Variants in RIN1 observed in about 807,000 individuals in gnomAD.
The protein encoded by RIN1 is ras inhibitor 1.
RIN1 carries 52 observed loss-of-function variants against 64.9 expected under a neutral mutation model. The ratio of observed to expected loss-of-function variants is 0.80; its 90% CI spans 0.64 to 1.01. RIN1 has a LOEUF of 1.01. Ranked by LOEUF, RIN1 falls within the 50% of genes least tolerant of loss-of-function variation. The probability of loss-of-function intolerance (pLI) is 0.00; values close to 1 mark genes in which losing one functional copy is unlikely to be tolerated. For synonymous variants in RIN1, 486 were observed against 483.6 expected (o/e 1.00, Z -0.06); for missense variants, 1,040 against 1,064.5 (o/e 0.98, Z 0.32).
chr11:66,335,704 G>A, intron 3 of RIN1, 22 bp from the exon 4 acceptor site: 1 of 1,612,638 alleles, frequency 6.2e-7, no homozygotes, highest in Non-Finnish European at 8.5e-7. Flanking sequence ...GGGAAGTGAG[G>A]TGCTTCTCTG....
At chr11:66,335,339 C>T in intron 5 of RIN1, 68 bp downstream of exon 5, 7 of 1,557,462 alleles carry the variant, frequency 4.5e-6, no homozygotes, top group Non-Finnish European at 6.1e-6. Context: ...GGGCGGTGTG[C>T]TGCGAGCCTT....
At chr11:66,335,280 C>G (rs368870362) in intron 5 of RIN1, 29 bp from the exon 6 acceptor site, 2 of 1,563,430 alleles carry the variant, frequency 1.3e-6, no homozygotes, top group Non-Finnish European at 1.7e-6. Context: ...ACTGGGGCCT[C>G]CGGGACTGGT....
At position 66,336,353 on chromosome 11, in the gene RIN1, G is replaced by A. The variant is rs751627916; in HGVS notation, c.50C>T (p.Pro17Leu). The change falls in exon 1 of 10, where the codon CCG becomes CTG. Residue 17 changes from proline (P) to leucine (L), a missense_variant. Transcript: ENST00000311320. ...SGAGSPGAPS[P>L]SSFTTGHLAR... ...CAGGTGCCCAGTAGTGAAGCTGGAC[G>A]GGCTGGGGGCTCCAGGAGAGCCCGC... 2.2e-5 allele frequency: 35 copies of A among 1,613,570 alleles called. No homozygotes were observed. Among genetic ancestry groups the A allele is most frequent in the Admixed American group, 1.7e-4 (10 of 59,970 alleles).
In RIN1 at chr11:66,335,985, G is replaced by T; in HGVS notation, c.260C>A (p.Pro87His). 6.8e-7 allele frequency: 1 copy of T among 1,476,328 alleles called. No individual in the cohort carries two copies. The allele number at this position is 1,476,328 out of a possible 1,614,324, so 91.5% of individuals were successfully genotyped here. A position where few individuals can be genotyped will look rare whatever the true frequency, so the allele number is the denominator to read the frequency against. Residue 87 changes from proline (P) to histidine (H), a missense_variant, in exon 2 of 10, where the codon CCC becomes CAC. Transcript: ENST00000311320. ...AAALHMLRTEPPGTFLVRKSN... is the reference protein window; with the variant it reads ...AAALHMLRTEHPGTFLVRKSN... ...GTGTGGGGCAAGACTCACCCCCGGG[G>T]GCTCGGTCCTCAGCATGTGCAGTGC...
In RIN1 at chr11:66,334,982, C is replaced by T. The variant is rs1341227740; in HGVS notation, c.817G>A (p.Ala273Thr). 7.7e-6 allele frequency: 12 copies of T among 1,558,784 alleles called. No individual in the cohort carries two copies. The highest frequency in any genetic ancestry group is 9.5e-6 in the Non-Finnish European group (11 of 1,153,620). The change falls in exon 6 of 10, where the codon GCA (alanine) becomes ACA (threonine). Residue 273 changes from alanine (A) to threonine (T), a missense_variant. By Grantham distance (58) the Ala-to-Thr change is moderately conservative. Coordinates refer to ENST00000311320, the MANE Select transcript of RIN1 (RefSeq NM_004292.3). ...PPPPVPVLPG[A>T]VPSQTERLPP... ...AGCCGCTCTGTCTGGCTGGGGACTGCCCCTGGCAGCACGGGGACGGGGGGA... is the reference window on the plus strand; with the variant it reads ...AGCCGCTCTGTCTGGCTGGGGACTGTCCCTGGCAGCACGGGGACGGGGGGA...
rs759726696 is a variant in RIN1 at position 66,335,730 on chromosome 11, TCCAGCCCCTTCCCGCCAGG to T, written c.382+13_382+31del. On this transcript the variant is annotated intron_variant, in intron 3 of 9. Coordinates refer to ENST00000311320, the MANE Select transcript of RIN1 (RefSeq NM_004292.3). ...TGCTTCTCTGGGGAACCTCCCTGCT[TCCAGCCCCTTCCCGCCAGG>T]CCAGCCCCTCACCGCCAGGGCTCTC... is the stretch of plus-strand genomic sequence containing the variant. 6.2e-7 allele frequency: 1 copy of T among 1,611,854 alleles called. No homozygotes were observed. The highest frequency in any genetic ancestry group is 8.5e-7 in the Non-Finnish European group (1 of 1,179,056).
chr11:66,332,246 G>A lies in RIN1; in HGVS notation c.*30C>T, dbSNP rs766977938. On this transcript the variant is annotated 3_prime_UTR_variant, in exon 10 of 10. Coordinates refer to ENST00000311320, the MANE Select transcript of RIN1 (RefSeq NM_004292.3). The stretch of plus-strand genomic sequence containing the variant: ...TTTCTCAGCAGGCTCAGGGTCTCCC[G>A]CCCCGAATGACCCTTCTGGCCACTT... The A allele has an allele frequency of 1.7e-5, 28 of 1,600,548 alleles. No homozygotes were observed. The highest frequency in any genetic ancestry group is 6.7e-5 in the Admixed American group (4 of 59,978).
chr11:66,331,856 T>G lies in RIN1; in HGVS notation c.*420A>C, dbSNP rs1044062608. ...ACACCTAAGAGCCATTGGAACCTTT[T>G]AGGGTCTGGAAGTCCCAGCCTGGTG... On this transcript the variant is annotated 3_prime_UTR_variant, in exon 10 of 10. Coordinates refer to ENST00000311320, the MANE Select transcript of RIN1 (RefSeq NM_004292.3). 23 of 229,000 alleles carry G rather than the reference T, an allele frequency of 1.0e-4. No homozygotes were observed. Among genetic ancestry groups the G allele is most frequent in the African/African-American group, 5.3e-4 (23 of 43,548 alleles). The allele number at this position is 229,000 out of a possible 1,614,324, so 14.2% of individuals were successfully genotyped here.
rs1228249984 is a variant in RIN1, at chr11:66,334,252, G to C, written c.1286-28C>G. 11 of 1,416,824 alleles carry C rather than the reference G, an allele frequency of 7.8e-6. No individual in the cohort carries two copies. The South Asian group carries it at 1.6e-4, about 21-fold the overall frequency. The allele number at this position is 1,416,824 out of a possible 1,614,324, so 87.8% of individuals were successfully genotyped here. ...GCCGGAGGGACAGGGAGGGGTCAGGGGAAGACTGGGGGTATGGGGGGCAGA... is the reference window on the plus strand; with the variant it reads ...GCCGGAGGGACAGGGAGGGGTCAGGCGAAGACTGGGGGTATGGGGGGCAGA... On this transcript the variant is annotated intron_variant, in intron 6 of 9. Transcript: ENST00000311320.
chr11:66,335,916 G>T (rs968926361), intron 2 of RIN1, 40 bp from the exon 3 acceptor site: 12 of 1,508,584 alleles, frequency 8.0e-6, no homozygotes, highest in Non-Finnish European at 8.9e-6. Context: ...GGACCTTGGC[G>T]TCCCATCCCT....
chr11:66,336,731 T>G, upstream of RIN1: 1 of 312,346 alleles, frequency 3.2e-6, no homozygotes, highest in Non-Finnish European at 6.0e-6. Flanking sequence ...GCCCCAGCCA[T>G]GCTCTGGGGG....
In RIN1 at chr11:66,336,053, G is replaced by C. The variant is rs1311564255; in HGVS notation, c.192C>G (p.Leu64=). 1 of 1,466,466 alleles carries C rather than the reference G, an allele frequency of 6.8e-7. No individual in the cohort carries two copies. Among genetic ancestry groups the C allele is most frequent in the South Asian group, 1.4e-5 (1 of 72,518 alleles). The allele number at this position is 1,466,466 out of a possible 1,614,324, so 90.8% of individuals were successfully genotyped here. ...GCAGCTGCAGCCACACGGGCCGGGT[G>C]AGCAGCAGGCGCTCCCGCAGGCTCA... ...RVVSLRERLL[L]TRPVWLQLQA... Residue 64 remains leucine (L), a synonymous_variant, in exon 2 of 10, where the codon CTC becomes CTG. Transcript: ENST00000311320.
Position 66,336,023 on chromosome 11 carries a change from G to A in RIN1, c.222C>T (p.Ala74=), listed in dbSNP as rs187847928. ...LTRPVWLQLQ[A]NAAAALHMLR... The stretch of plus-strand genomic sequence containing the variant: ...GCATGTGCAGTGCGGCCGCTGCGTT[G>A]GCTTGCAGCTGCAGCCACACGGGCC... The change falls in exon 2 of 10, where the codon GCC becomes GCT. Residue 74 remains alanine (A), a synonymous_variant. Transcript: ENST00000311320. The A allele has an allele frequency of 2.4e-4, 346 of 1,468,206 alleles. 4 individuals are homozygous for A. The African/African-American group carries it at 3.9e-3, about 17-fold the overall frequency. The allele number at this position is 1,468,206 out of a possible 1,614,324, so 90.9% of individuals were successfully genotyped here. A position where few individuals can be genotyped will look rare whatever the true frequency, so the allele number is the denominator to read the frequency against.
In RIN1 at chr11:66,335,135, A is replaced by C; in HGVS notation, c.664T>G (p.Leu222Val). 6.5e-7 allele frequency: 1 copy of C among 1,541,904 alleles called. No homozygotes were observed. The highest frequency in any genetic ancestry group is 1.2e-5 in the South Asian group (1 of 80,650). ...GGGAACAGGGGGTTGAAGAAGCACA[A>C]GGCGGCTCCGGTGCCCTGGTCCAGC... ...QELDQGTGAALCFFNPLFPGD... is the reference protein window; with the variant it reads ...QELDQGTGAAVCFFNPLFPGD... The change falls in exon 6 of 10, where the codon TTG (leucine) becomes GTG (valine). Residue 222 changes from leucine to valine, a missense_variant. Transcript: ENST00000311320.
Position 66,334,230 on chromosome 11 carries a change from G to A in RIN1, c.1286-6C>T, listed in dbSNP as rs745957466. ...TGACTTCTCCAGGACATGTTCTGCC[G>A]GAGGGACAGGGAGGGGTCAGGGGAA... On this transcript the variant is annotated splice_polypyrimidine_tract_variant and splice_region_variant and intron_variant, in intron 6 of 9. Coordinates refer to ENST00000311320, the MANE Select transcript of RIN1 (RefSeq NM_004292.3). 1.1e-4 allele frequency: 160 copies of A among 1,451,270 alleles called. No individual in the cohort carries two copies. The highest frequency in any genetic ancestry group is 1.4e-4 in the Non-Finnish European group (152 of 1,106,832). 89.9% of individuals were successfully genotyped at this position (1,451,270 alleles called of 1,614,324 possible).
At chr11:66,333,216 G>C (rs1456282889) in intron 9 of RIN1, 42 bp downstream of exon 9, 2 of 1,601,670 alleles carry the variant, frequency 1.2e-6, no homozygotes, top group Non-Finnish European at 1.7e-6. Context: ...TGAAAGGCGG[G>C]GATGGCGTCT....
In RIN1 at chr11:66,334,699, G is replaced by A; in HGVS notation, c.1100C>T (p.Ala367Val). ...TCGGTCCTGCATCAGTGCTGCCGCA[G>A]CCCGGCCCACCTGCCGCTCCGGTGC... Reference protein sequence around the residue: ...LLAPERQVGRAAAALMQDRHT... With the variant: ...LLAPERQVGRVAAALMQDRHT... The change falls in exon 6 of 10, where the codon GCT becomes GTT. Residue 367 changes from alanine (A) to valine (V), a missense_variant. By Grantham distance (64) the Ala-to-Val change is moderately conservative. Coordinates refer to ENST00000311320, the MANE Select transcript of RIN1 (RefSeq NM_004292.3). 1.3e-6 allele frequency: 2 copies of A among 1,549,966 alleles called. No homozygotes were observed. Among genetic ancestry groups the A allele is most frequent in the South Asian group, 1.2e-5 (1 of 84,240 alleles).
Position 66,333,270 on chromosome 11 carries a change from G to C in RIN1, c.1863C>G (p.Thr621=). 6.2e-7 allele frequency: 1 copy of C among 1,611,188 alleles called. No homozygotes were observed. The highest frequency in any genetic ancestry group is 1.1e-5 in the South Asian group (1 of 91,008). ...GAGGGCCTGTTACCTGGAAGCAGTGGGTGGCAGGCAGGCGGCGCTGCTCCC... is the reference window on the plus strand; with the variant it reads ...GAGGGCCTGTTACCTGGAAGCAGTGCGTGGCAGGCAGGCGGCGCTGCTCCC... ...SLWEQRRLPA[T]HCFQHLLRVA... Residue 621 remains threonine (T), a synonymous_variant, in exon 9 of 10, where the codon ACC becomes ACG. Transcript: ENST00000311320.
intron 4 of RIN1, 44 bp from the exon 5 acceptor site, chr11:66,335,542 G>A (rs1478418742): frequency 6.2e-7 from 1 of 1,612,752 alleles, no homozygotes; most frequent in Non-Finnish European, 8.5e-7. Flanking sequence ...GGCCGAAGAG[G>A]GCGGGAAGGA....
Sources: allele counts gnomAD v4.1 joint callset, GRCh38; gene constraint gnomAD v4.1.1; transcripts MANE v1.5; gene names NCBI Gene and HGNC (gene_info 2026-07-23, HGNC 2026-07-21).